The following CCSER1 variants were observed in gnomAD, a reference collection of about 807,000 sequenced individuals.
CCSER1 encodes serine-rich coiled-coil domain-containing protein 1.
CCSER1 carries 41 observed loss-of-function variants against 82.0 expected under a neutral mutation model. The ratio of observed to expected loss-of-function variants is 0.50; its 90% CI spans 0.39 to 0.65. CCSER1 has a LOEUF of 0.65. Among genes scored for constraint, CCSER1 ranks in the 30% least tolerant of loss-of-function variants. The pLI, the probability that CCSER1 is intolerant of heterozygous loss-of-function variation, is 0.00. For missense variants in CCSER1, 1,119 were observed against 1,064.2 expected (o/e 1.05, Z -0.72); for synonymous variants, 414 against 383.9 (o/e 1.08, Z -0.92).
chr4:90,618,982 C>T (rs1721804404), intron 5 of CCSER1, among the ~76,000 whole-genome samples: 1 of 151,754 alleles, frequency 6.6e-6, no homozygotes, highest in African/African-American at 2.4e-5. Context: ...GTAAGATCTA[C>T]ATTATAGGTA....
intron 9 of CCSER1, among the ~76,000 whole-genome samples, chr4:91,064,770 G>A (rs1356194595): frequency 1.3e-5 from 2 of 152,190 alleles, no homozygotes; most frequent in East Asian, 1.9e-4. Flanking sequence ...CTGCAAGCAG[G>A]CCCTTCTAAA....
At chr4:90,535,304 G>T (rs1448085316) in intron 5 of CCSER1, among the ~76,000 whole-genome samples, 1 of 151,972 alleles carries the variant, frequency 6.6e-6, no homozygotes, top group African/African-American at 2.4e-5. Context: ...CATCATTTGG[G>T]CTGAGCACAG....
chr4:90,738,681 T>G (rs963457197), intron 7 of CCSER1, among the ~76,000 whole-genome samples: 25 of 152,098 alleles, frequency 1.6e-4, no homozygotes, highest in African/African-American at 5.8e-4. Flanking sequence ...CAATCAGCAT[T>G]TGGTGAATCC....
At chr4:91,402,802 G>C (rs905561100) in intron 10 of CCSER1, among the ~76,000 whole-genome samples, 5 of 152,176 alleles carry the variant, frequency 3.3e-5, no homozygotes, top group Admixed American at 3.3e-4. Context: ...CTGTAGCCTT[G>C]TAGTATAGTT....
At chr4:90,347,606 T>A (rs941249507) in intron 3 of CCSER1, among the ~76,000 whole-genome samples, 1 of 152,038 alleles carries the variant, frequency 6.6e-6, no homozygotes, top group African/African-American at 2.4e-5. Context: ...GCTGAATATG[T>A]CCCCTACATT....
At chr4:91,088,954 C>T (rs188453330) in intron 10 of CCSER1, among the ~76,000 whole-genome samples, 2 of 151,482 alleles carry the variant, frequency 1.3e-5, no homozygotes, top group Admixed American at 6.6e-5. Context: ...TTTTGTTTTC[C>T]AAAGGCCAGT....
At chr4:90,278,760 C>T (rs1174704310) in intron 1 of CCSER1, among the ~76,000 whole-genome samples, 1 of 152,006 alleles carries the variant, frequency 6.6e-6, no homozygotes, top group Non-Finnish European at 1.5e-5. Context: ...TTCATTCATA[C>T]CTCAAGCCTC....
At chr4:90,917,553 C>T (rs2150225719) in intron 8 of CCSER1, among the ~76,000 whole-genome samples, 1 of 152,108 alleles carries the variant, frequency 6.6e-6, no homozygotes, top group East Asian at 1.9e-4. Flanking sequence ...AGGAGATATA[C>T]CTAATGTTAA....
intron 6 of CCSER1, among the ~76,000 whole-genome samples, chr4:90,685,362 T>C (rs1734636767): frequency 6.6e-6 from 1 of 152,132 alleles, no homozygotes; most frequent in African/African-American, 2.4e-5. Flanking sequence ...GTGACCCTGG[T>C]AGATTTTTCA....
chr4:91,561,238 C>T (rs1166609840), intron 10 of CCSER1, among the ~76,000 whole-genome samples: 2 of 151,388 alleles, frequency 1.3e-5, no homozygotes, highest in African/African-American at 4.8e-5. Context: ...ATGGTCCTTA[C>T]CATGAGGCTA....
chr4:91,599,807 G>A lies in CCSER1; in HGVS notation c.*750G>A, dbSNP rs1764743497. 1.3e-5 allele frequency: 2 copies of A among 152,166 alleles called. No individual in the cohort carries two copies. Among genetic ancestry groups the A allele is most frequent in the African/African-American group, 4.8e-5 (2 of 41,452 alleles). 9.4% of individuals were successfully genotyped at this position (152,166 alleles called of 1,614,324 possible). A position where few individuals can be genotyped will look rare whatever the true frequency, so the allele number is the denominator to read the frequency against. On this transcript the variant is annotated 3_prime_UTR_variant, in exon 11 of 11. Coordinates refer to ENST00000509176, the MANE Select transcript of CCSER1 (RefSeq NM_001145065.2). ...GTTGAAGTACCGTGACATAACACAA[G>A]GTGATAAAGTTGGTTGAATTTTGTC... is the stretch of plus-strand genomic sequence containing the variant.
intron 10 of CCSER1, among the ~76,000 whole-genome samples, chr4:91,530,728 G>A (rs1760987004): frequency 6.6e-6 from 1 of 150,434 alleles, no homozygotes; most frequent in African/African-American, 2.4e-5. Flanking sequence ...TGGTTGCCCA[G>A]GGCGGACAGA....
At chr4:90,330,322 A>G (rs1322258188) in intron 3 of CCSER1, among the ~76,000 whole-genome samples, 1 of 152,196 alleles carries the variant, frequency 6.6e-6, no homozygotes, top group African/African-American at 2.4e-5. Flanking sequence ...ATGAGACAGT[A>G]TATCTCAGCA....
Position 90,176,758 on chromosome 4 carries a change from A to G in CCSER1, c.-42+48927A>G, listed in dbSNP as rs368716596. On this transcript the variant is annotated intron_variant, in intron 1 of 10. Coordinates refer to ENST00000509176, the MANE Select transcript of CCSER1 (RefSeq NM_001145065.2). ...ACGAGGAGCATTTTGGAGACCTTAA[A>G]TTCAGGAGGGACCTTCTAGGAGGCC... Among the ~76,000 whole-genome samples the G allele has an allele frequency of 2.0e-4, 30 of 152,210 alleles. No homozygotes were observed. In the South Asian group the frequency reaches 3.1e-3, roughly 16 times the overall value.
intron 10 of CCSER1, among the ~76,000 whole-genome samples, chr4:91,483,979 T>C (rs962495835): frequency 6.6e-6 from 1 of 151,316 alleles, no homozygotes; most frequent in African/African-American, 2.4e-5. Flanking sequence ...TTTGGAATGT[T>C]CCTTATAGTG....
At chr4:90,717,865 G>A (rs1741937319) in intron 6 of CCSER1, among the ~76,000 whole-genome samples, 1 of 151,114 alleles carries the variant, frequency 6.6e-6, no homozygotes, top group Non-Finnish European at 1.5e-5. Flanking sequence ...TTCTTACTAA[G>A]TTCTTGGGCC....
chr4:90,143,778 G>A (rs111584897), intron 1 of CCSER1, among the ~76,000 whole-genome samples: 5 of 150,864 alleles, frequency 3.3e-5, no homozygotes, highest in Admixed American at 1.3e-4. Flanking sequence ...TTGAACTCCC[G>A]GGCTCAAGCA....
intron 3 of CCSER1, among the ~76,000 whole-genome samples, chr4:90,326,075 T>C (rs917252956): frequency 9.4e-5 from 14 of 149,658 alleles, no homozygotes; most frequent in African/African-American, 3.5e-4. Context: ...TTTTTTTTTT[T>C]TGAGACGGAA....
intron 10 of CCSER1, among the ~76,000 whole-genome samples, chr4:91,169,585 C>T (rs1732540203): frequency 1.3e-5 from 2 of 152,192 alleles, no homozygotes; most frequent in Admixed American, 1.3e-4. Flanking sequence ...CACACCACTG[C>T]ACTCTAGCCT....
Sources: gnomAD v4.1 joint callset for allele counts (sites outside exome capture counted in the v4.1 genomes callset) on GRCh38, gnomAD v4.1.1 for gene constraint, MANE v1.5 for transcripts, NCBI Gene and HGNC (gene_info 2026-07-23, HGNC 2026-07-21) for gene names.